The following SHISA6 variants were observed in gnomAD, a reference collection of about 807,000 sequenced individuals.
SHISA6 encodes the protein protein shisa-6.
A neutral mutation model predicts 47.9 loss-of-function variants in SHISA6; 22 were observed. The ratio of observed to expected loss-of-function variants is 0.46; its 90% CI spans 0.33 to 0.66. The LOEUF is 0.66. SHISA6 is among the 30% of genes least tolerant of loss of function. SHISA6 has a pLI of 0.02. For synonymous variants in SHISA6, 388 were observed against 337.8 expected (o/e 1.15, Z -1.63); for missense variants, 680 against 764.6 (o/e 0.89, Z 1.30).
intron 3 of SHISA6, among the ~76,000 whole-genome samples, chr17:11,551,028 C>T (rs1299966784): frequency 6.6e-6 from 1 of 152,188 alleles, no homozygotes; most frequent in East Asian, 1.9e-4. Context: ...GGGCTGTAAC[C>T]TGCGGTTTAG....
chr17:11,374,060 G>A lies in SHISA6; in HGVS notation c.800-5354G>A, dbSNP rs1217601334. Among the ~76,000 whole-genome samples the A allele has an allele frequency of 5.9e-5, 9 of 152,102 alleles. No individual in the cohort carries two copies. In the East Asian group the frequency reaches 1.7e-3, roughly 29 times the overall value. On this transcript the variant is annotated intron_variant, in intron 2 of 5. Coordinates refer to ENST00000441885, the MANE Select transcript of SHISA6 (RefSeq NM_207386.4). ...TGTTTCTGCTTATTCATGTCAGTAG[G>A]CTCAGGCATTTTAATTTTTGCTAGT...
chr17:11,523,431 G>C (rs1270926787), intron 3 of SHISA6, among the ~76,000 whole-genome samples: 5 of 152,156 alleles, frequency 3.3e-5, no homozygotes, highest in Non-Finnish European at 5.9e-5. Context: ...ATGTCTCTCT[G>C]TGAGCCAGGG....
In SHISA6 at chr17:11,325,323, C is replaced by T. The variant is rs545763449; in HGVS notation, c.800-54091C>T. Among the ~76,000 whole-genome samples, 4 of 152,316 alleles carry T rather than the reference C, an allele frequency of 2.6e-5. No homozygotes were observed. The South Asian group carries it at 6.2e-4, about 24-fold the overall frequency. On this transcript the variant is annotated intron_variant, in intron 2 of 5. Transcript: ENST00000441885. Reference sequence around the variant, plus strand: ...TGCCAATACTTTTCTAGGACTGCATCGGATAAACTGGGACATCTGCAATAT... The same window carrying T: ...TGCCAATACTTTTCTAGGACTGCATTGGATAAACTGGGACATCTGCAATAT...
intron 3 of SHISA6, among the ~76,000 whole-genome samples, chr17:11,527,375 G>A (rs1490141907): frequency 6.6e-6 from 1 of 152,110 alleles, no homozygotes; most frequent in Non-Finnish European, 1.5e-5. Flanking sequence ...TAGATTCTTT[G>A]TTTGGATTGA....
intron 3 of SHISA6, among the ~76,000 whole-genome samples, chr17:11,503,702 C>G (rs2071474389): frequency 6.6e-6 from 1 of 152,180 alleles, no homozygotes; most frequent in African/African-American, 2.4e-5. Flanking sequence ...TTGTTGTCGT[C>G]AAATGTAACA....
chr17:11,496,420 G>A (rs2071409248), intron 3 of SHISA6, among the ~76,000 whole-genome samples: 2 of 152,206 alleles, frequency 1.3e-5, no homozygotes, highest in African/African-American at 4.8e-5. Context: ...GGTTTACAGT[G>A]CCTACAAGGG....
At chr17:11,548,355 C>T (rs2071900332) in intron 3 of SHISA6, among the ~76,000 whole-genome samples, 1 of 152,094 alleles carries the variant, frequency 6.6e-6, no homozygotes, top group African/African-American at 2.4e-5. Context: ...GAAAGTTATT[C>T]ACTTGGTTTT....
intron 2 of SHISA6, among the ~76,000 whole-genome samples, chr17:11,271,520 C>T (rs2142153029): frequency 6.6e-6 from 1 of 151,280 alleles, no homozygotes; most frequent in East Asian, 2.0e-4. Flanking sequence ...TAACTGCTAT[C>T]TCTGCCTCCC....
At chr17:11,330,683 A>G (rs1205622051) in intron 2 of SHISA6, among the ~76,000 whole-genome samples, 1 of 152,236 alleles carries the variant, frequency 6.6e-6, no homozygotes, top group Non-Finnish European at 1.5e-5. Flanking sequence ...AAACGTAAGT[A>G]AAAAGATCCA....
At chr17:11,280,422 G>A (rs1254303573) in intron 2 of SHISA6, among the ~76,000 whole-genome samples, 1 of 152,194 alleles carries the variant, frequency 6.6e-6, no homozygotes, top group Non-Finnish European at 1.5e-5. Context: ...TAAGAATAAG[G>A]TGCTGCATGT....
chr17:11,285,241 G>T (rs56142648), intron 2 of SHISA6, among the ~76,000 whole-genome samples: 27,844 of 152,194 alleles, frequency 0.18, 3,026 homozygotes, highest in Middle Eastern at 0.26. Flanking sequence ...TCTGAGTTGG[G>T]ATTAGGTTTG....
intron 2 of SHISA6, among the ~76,000 whole-genome samples, chr17:11,287,691 A>AAG (rs1567561420): frequency 4.0e-4 from 1 of 2,516 alleles, no homozygotes. Flanking sequence ...AGAGAGAGAG[A>AAG]GAAAGGGGAA....
intron 2 of SHISA6, among the ~76,000 whole-genome samples, chr17:11,365,925 A>C (rs1912434985): frequency 6.6e-6 from 1 of 152,248 alleles, no homozygotes; most frequent in Admixed American, 6.5e-5. Flanking sequence ...TACAATAAAA[A>C]TCTAAATGAT....
intron 2 of SHISA6, among the ~76,000 whole-genome samples, chr17:11,323,471 A>G (rs1166606226): frequency 2.0e-5 from 3 of 152,078 alleles, no homozygotes; most frequent in East Asian, 1.9e-4. Context: ...CCTGACCAAC[A>G]TGGAGAAACC....
At chr17:11,437,327 G>A (rs758413952) in intron 3 of SHISA6, among the ~76,000 whole-genome samples, 2 of 152,136 alleles carry the variant, frequency 1.3e-5, no homozygotes, top group Non-Finnish European at 2.9e-5. Context: ...AGGGATTTGA[G>A]AGTGAGGCAT....
intron 3 of SHISA6, among the ~76,000 whole-genome samples, chr17:11,493,529 T>C (rs1288518884): frequency 6.6e-6 from 1 of 152,070 alleles, no homozygotes; most frequent in Non-Finnish European, 1.5e-5. Flanking sequence ...GCCAGGCCAA[T>C]AATGCAACTC....
chr17:11,358,668 T>TTTC (rs980341650), intron 2 of SHISA6, among the ~76,000 whole-genome samples: 3 of 36,926 alleles, frequency 8.1e-5, no homozygotes, highest in African/African-American at 4.3e-4. Context: ...CAGAATTTCC[T>TTTC]TTTTTTTTTT....
At chr17:11,544,474 G>A (rs1262509290) in intron 3 of SHISA6, among the ~76,000 whole-genome samples, 1 of 151,932 alleles carries the variant, frequency 6.6e-6, no homozygotes, top group Non-Finnish European at 1.5e-5. Context: ...TAGCCATAAG[G>A]GAAATGCACA....
chr17:11,360,501 A>G (rs1912230436), intron 2 of SHISA6, among the ~76,000 whole-genome samples: 1 of 151,574 alleles, frequency 6.6e-6, no homozygotes, highest in African/African-American at 2.4e-5. Flanking sequence ...TGGAGGTTGC[A>G]GTGAGCCGAG....
Sources: allele counts gnomAD v4.1 joint callset (sites outside exome capture counted in the v4.1 genomes callset), GRCh38; gene constraint gnomAD v4.1.1; transcripts MANE v1.5; gene names NCBI Gene and HGNC (gene_info 2026-07-23, HGNC 2026-07-21).